The following SECISBP2 variants were observed in gnomAD, a reference collection of about 807,000 sequenced individuals.
SECISBP2 encodes the protein SECIS binding protein 2.
In SECISBP2, 96 loss-of-function variants were observed where a neutral mutation model predicts 98.2. That is an observed-to-expected ratio of 0.98 (90% CI 0.83 to 1.16). The LOEUF (loss-of-function observed/expected upper bound fraction) is 1.16, where lower values mean the gene tolerates loss of function less well. Among genes scored for constraint, SECISBP2 ranks in the 50% most tolerant of loss-of-function variants. The pLI, the probability that SECISBP2 is intolerant of heterozygous loss-of-function variation, is 0.00. For synonymous variants in SECISBP2, 407 were observed against 370.2 expected (o/e 1.10, Z -1.14); for missense variants, 1,046 against 1,022.9 (o/e 1.02, Z -0.31).
At position 89,338,506 on chromosome 9, in the gene SECISBP2, A is replaced by G; in HGVS notation, c.1138A>G (p.Lys380Glu). The G allele has an allele frequency of 6.2e-7, 1 of 1,613,606 alleles. No homozygotes were observed. Among genetic ancestry groups the G allele is most frequent in the Non-Finnish European group, 8.5e-7 (1 of 1,179,888 alleles). The change falls in exon 8 of 17, where the codon AAG (lysine) becomes GAG (glutamate). Residue 380 changes from lysine (K) to glutamate (E), a missense_variant. Physicochemically the swap from Lys to Glu is moderately conservative, Grantham distance 56 (BLOSUM62 1). Transcript: ENST00000375807. The stretch of plus-strand genomic sequence containing the variant: ...CCTTGAACAAAATGAAGCCTCAAGA[A>G]AGAATAAGAAAAAGAAAGAAAAATC... ...SDLEQNEASR[K>E]NKKKKEKSTS...
In SECISBP2 at chr9:89,318,747, C is replaced by T. The variant is rs552933572; in HGVS notation, c.36+135C>T. 1,097 of 1,223,890 alleles carry T rather than the reference C, an allele frequency of 9.0e-4. 1 individual carries two copies. Among genetic ancestry groups the T allele is most frequent in the Non-Finnish European group, 1.1e-3 (1,040 of 949,202 alleles). 75.8% of individuals were successfully genotyped at this position (1,223,890 alleles called of 1,614,324 possible). On this transcript the variant is annotated intron_variant, in intron 1 of 16. Transcript: ENST00000375807. ...TGGTGACGGCACGGGAGCGCCCTAC[C>T]GGGTGGCCGCGATCTTCGCGCCCCG...
At chr9:89,333,919 CTAGTGA>C in intron 6 of SECISBP2, 2 of 528,354 alleles carry the variant, frequency 3.8e-6, no homozygotes, top group Non-Finnish European at 4.9e-6. Context: ...GTGTAGTTCT[CTAGTGA>C]GGGGAACAGT....
chr9:89,350,774 G>A lies in SECISBP2; in HGVS notation c.2035G>A (p.Glu679Lys). 8.1e-6 allele frequency: 13 copies of A among 1,614,200 alleles called. No homozygotes were observed. The highest frequency in any genetic ancestry group is 1.0e-5 in the Non-Finnish European group (12 of 1,180,034). Residue 679 changes from glutamate (E) to lysine (K), a missense_variant, in exon 14 of 17, where the codon GAG (glutamate) becomes AAG (lysine). By Grantham distance (56) the Glu-to-Lys change is moderately conservative. Coordinates refer to ENST00000375807, the MANE Select transcript of SECISBP2 (RefSeq NM_024077.5). ...TKRRLVLGLR[E>K]VLKHLKLKKL... ...ACGTCGACTTGTGTTGGGGTTGAGG[G>A]AGGTTCTCAAACACCTGAAGCTCAA...
the SECISBP2 span, among the ~76,000 whole-genome samples, chr9:89,366,401 C>CTG: frequency 6.6e-6 from 1 of 152,180 alleles, no homozygotes; most frequent in Non-Finnish European, 1.5e-5. Flanking sequence ...AGGAAACATT[C>CTG]TGTAAACTCA....
chr9:89,363,248 A>G (rs1833000597), downstream of SECISBP2, among the ~76,000 whole-genome samples: 1 of 150,374 alleles, frequency 6.7e-6, no homozygotes, highest in Admixed American at 6.8e-5. Flanking sequence ...CTGCAGTCTC[A>G]GCAACAAGAC....
chr9:89,325,491 T>C lies in SECISBP2; in HGVS notation c.247T>C (p.Ser83Pro), dbSNP rs1826533768. The change falls in exon 3 of 17, where the codon TCT (serine) becomes CCT (proline). Residue 83 changes from serine to proline, a missense_variant. Ser to Pro is a moderately conservative substitution (Grantham distance 74). Coordinates refer to ENST00000375807, the MANE Select transcript of SECISBP2 (RefSeq NM_024077.5). ...AACTTTTCCACCTCAGTATTTATCT[T>C]CTGAGATAACTCTTCATCCATATGC... is the stretch of plus-strand genomic sequence containing the variant. Reference protein sequence around the residue: ...ASTFPPQYLSSEITLHPYAYS... With the variant: ...ASTFPPQYLSPEITLHPYAYS... 1.2e-6 allele frequency: 2 copies of C among 1,613,150 alleles called. No individual in the cohort carries two copies. The highest frequency in any genetic ancestry group is 2.2e-5 in the South Asian group (2 of 91,064).
chr9:89,343,353 T>C (rs1467366100), intron 10 of SECISBP2, among the ~76,000 whole-genome samples: 3 of 152,252 alleles, frequency 2.0e-5, no homozygotes, highest in Admixed American at 2.0e-4. Flanking sequence ...TTCTTTTTTT[T>C]AAACTTTTAT....
chr9:89,318,531 G>A lies in SECISBP2; in HGVS notation c.-46G>A, dbSNP rs1039955933. 1.3e-6 allele frequency: 2 copies of A among 1,512,938 alleles called. No individual in the cohort carries two copies. The highest frequency in any genetic ancestry group is 2.0e-5 in the Admixed American group (1 of 49,584). 93.7% of individuals were successfully genotyped at this position (1,512,938 alleles called of 1,614,324 possible). On this transcript the variant is annotated 5_prime_UTR_variant, in exon 1 of 17. Transcript: ENST00000375807. The stretch of plus-strand genomic sequence containing the variant: ...GCTTTGTCTGTCCGGCAAGCCGACG[G>A]CCCGCTGCTGGCCTCCGTGACGCGG...
At chr9:89,320,343 G>GA (rs1564303350) in intron 2 of SECISBP2, among the ~76,000 whole-genome samples, 1 of 125,324 alleles carries the variant, frequency 8.0e-6, no homozygotes, top group Admixed American at 9.7e-5. Flanking sequence ...CTGACAGAGT[G>GA]AGACTCTGTC....
chr9:89,325,243 C>A (rs1238265507), intron 2 of SECISBP2, 184 bp from the exon 3 acceptor site: 2 of 618,914 alleles, frequency 3.2e-6, no homozygotes, highest in Admixed American at 3.0e-5. Context: ...GAGTCAACAT[C>A]TTTCTTTGCA....
downstream of SECISBP2, chr9:89,362,154 C>T (rs943162484): frequency 1.7e-6 from 1 of 601,154 alleles, no homozygotes; most frequent in African/African-American, 1.9e-5. Flanking sequence ...CCAGACAGAA[C>T]TTACTGTCCC....
downstream of SECISBP2, chr9:89,363,501 TG>T (rs767119433): frequency 1.9e-6 from 3 of 1,613,990 alleles, no homozygotes; most frequent in Admixed American, 5.0e-5. Context: ...GAGAGCTCTC[TG>T]GTCCACCTCT....
chr9:89,326,933 C>G (rs183140587), intron 4 of SECISBP2, among the ~76,000 whole-genome samples: 1 of 152,126 alleles, frequency 6.6e-6, no homozygotes, highest in Non-Finnish European at 1.5e-5. Flanking sequence ...GAGTCCGAGA[C>G]GGGCGGATCA....
chr9:89,350,542 T>C (rs1321662959), intron 13 of SECISBP2, 90 bp from the exon 14 acceptor site: 5 of 1,127,228 alleles, frequency 4.4e-6, no homozygotes, highest in Non-Finnish European at 6.8e-6. Context: ...TCTGATGCAG[T>C]CTACGTCTCT....
rs909392771 is a variant in SECISBP2 at position 89,334,722 on chromosome 9, A to C, written c.1081A>C (p.Thr361Pro). 14 of 1,612,156 alleles carry C rather than the reference A, an allele frequency of 8.7e-6. No individual in the cohort carries two copies. In the African/African-American group the frequency reaches 1.6e-4, roughly 18 times the overall value. Reference sequence around the variant, plus strand: ...CAAAGAAAAACACATTATTCATCCTACCCAAAAGGTACGTGTCACTAGAGA... The same window carrying C: ...CAAAGAAAAACACATTATTCATCCTCCCCAAAAGGTACGTGTCACTAGAGA... The part of the protein sequence containing the change: ...YNKEKHIIHP[T>P]QKSKASQGSD... The change falls in exon 7 of 17, where the codon ACC becomes CCC. Residue 361 changes from threonine (T) to proline (P), a missense_variant. Physicochemically the swap from Thr to Pro is conservative, Grantham distance 38 (BLOSUM62 -1). Coordinates refer to ENST00000375807, the MANE Select transcript of SECISBP2 (RefSeq NM_024077.5).
rs1302095187 is a variant in SECISBP2 at position 89,347,096 on chromosome 9, C to T, written c.1602+48C>T. On this transcript the variant is annotated intron_variant, in intron 11 of 16. Coordinates refer to ENST00000375807, the MANE Select transcript of SECISBP2 (RefSeq NM_024077.5). ...AGTGAGGCACTAGAAAACTTAGTCT[C>T]ACATTTCCATAGTTATTCTCCCAGC... 5 of 1,578,554 alleles carry T rather than the reference C, an allele frequency of 3.2e-6. No individual in the cohort carries two copies. In the African/African-American group the frequency reaches 4.0e-5, roughly 13 times the overall value.
Position 89,348,219 on chromosome 9 carries a change from C to G in SECISBP2, c.1738+5C>G, listed in dbSNP as rs761360924. 2 of 1,613,812 alleles carry G rather than the reference C, an allele frequency of 1.2e-6. No homozygotes were observed. Among genetic ancestry groups the G allele is most frequent in the Admixed American group, 1.7e-5 (1 of 60,008 alleles). On this transcript the variant is annotated splice_donor_5th_base_variant and intron_variant, in intron 12 of 16. Coordinates refer to ENST00000375807, the MANE Select transcript of SECISBP2 (RefSeq NM_024077.5). Reference sequence around the variant, plus strand: ...CCGAGCAGGCAGAGCTGTCAGGTACCAACTTCTCTTTGTGCCTTAAGAATA... The same window carrying G: ...CCGAGCAGGCAGAGCTGTCAGGTACGAACTTCTCTTTGTGCCTTAAGAATA...
intron 4 of SECISBP2, 54 bp from the exon 5 acceptor site, chr9:89,328,606 G>C: frequency 6.9e-7 from 1 of 1,452,694 alleles, no homozygotes; most frequent in Non-Finnish European, 9.6e-7. Flanking sequence ...CTTGCATACT[G>C]GTCATCAAAC....
At chr9:89,337,745 C>A (rs969546595) in intron 7 of SECISBP2, among the ~76,000 whole-genome samples, 1 of 152,180 alleles carries the variant, frequency 6.6e-6, no homozygotes, top group African/African-American at 2.4e-5. Context: ...AGTTCCCTGC[C>A]CTTTTAGAGC....
Sources: gnomAD v4.1 joint callset for allele counts (sites outside exome capture counted in the v4.1 genomes callset) on GRCh38, gnomAD v4.1.1 for gene constraint, MANE v1.5 for transcripts, NCBI Gene and HGNC (gene_info 2026-07-23, HGNC 2026-07-21) for gene names.